The following PCDHGB3 variants were observed in gnomAD, a reference collection of about 807,000 sequenced individuals.
The protein encoded by PCDHGB3 is protocadherin gamma-B3.
PCDHGB3 carries 40 observed loss-of-function variants against 59.2 expected under a neutral mutation model. The observed-to-expected ratio is 0.68, with a 90% CI of 0.52 to 0.88. PCDHGB3 has a LOEUF of 0.88. Ranked by LOEUF, PCDHGB3 falls within the 40% of genes least tolerant of loss-of-function variation. The probability of loss-of-function intolerance (pLI) is 0.00; values close to 1 mark genes in which losing one functional copy is unlikely to be tolerated. For missense variants in PCDHGB3, 1,309 were observed against 1,187.9 expected (o/e 1.10, Z -1.50); for synonymous variants, 581 against 503.6 (o/e 1.15, Z -2.06).
intron 1 of PCDHGB3, chr5:141,394,722 G>A (rs1483795023): frequency 2.5e-6 from 4 of 1,613,314 alleles, no homozygotes; most frequent in Admixed American, 3.3e-5. Flanking sequence ...GGACAGAGAT[G>A]CGCTCAAGCA....
chr5:141,390,042 G>A, intron 1 of PCDHGB3: 1 of 1,614,034 alleles, frequency 6.2e-7, no homozygotes, highest in Non-Finnish European at 8.5e-7. Flanking sequence ...CTCCAGCCCC[G>A]CCTCCTGGAG....
intron 1 of PCDHGB3, chr5:141,413,494 G>C: frequency 6.2e-7 from 1 of 1,614,042 alleles, no homozygotes; most frequent in Non-Finnish European, 8.5e-7. Flanking sequence ...CGCGCGGTGC[G>C]TGGTGAGTTT....
intron 1 of PCDHGB3, among the ~76,000 whole-genome samples, chr5:141,462,745 TATG>T (rs1249238113): frequency 6.6e-6 from 1 of 152,262 alleles, no homozygotes; most frequent in Non-Finnish European, 1.5e-5. Flanking sequence ...CTGTAATTCC[TATG>T]ATGATTTTCT....
At chr5:141,421,371 T>C in intron 1 of PCDHGB3, 2 of 1,614,028 alleles carry the variant, frequency 1.2e-6, no homozygotes, top group Non-Finnish European at 1.7e-6. Flanking sequence ...TCGTGGGCAA[T>C]ATCTCCAAGG....
Position 141,370,513 on chromosome 5 carries a change from AGCTGGACAGGGGCTC to A in PCDHGB3, c.125_139del (p.Asp42_Leu46del), listed in dbSNP as rs768998364. 2.8e-5 allele frequency: 45 copies of A among 1,613,894 alleles called. No homozygotes were observed. Among genetic ancestry groups the A allele is most frequent in the Non-Finnish European group, 3.6e-5 (42 of 1,179,880 alleles). ...CCGATCCGCTACGCTATTCCCGAGG[AGCTGGACAGGGGCTC>A]GCTGGTAGGGAACCTCGCCAAGGAC... On this transcript the variant is annotated inframe_deletion, in exon 1 of 4. Transcript: ENST00000576222.
chr5:141,384,850 C>A, intron 1 of PCDHGB3: 1 of 1,613,646 alleles, frequency 6.2e-7, no homozygotes, highest in African/African-American at 1.3e-5. Context: ...GGACCACGGT[C>A]AGCCTCCTCT....
intron 1 of PCDHGB3, chr5:141,421,694 C>G (rs2096592726): frequency 6.2e-7 from 1 of 1,613,936 alleles, no homozygotes. Flanking sequence ...TTTGCTCTTC[C>G]TAATGCTAGG....
chr5:141,428,632 G>A (rs574049916), intron 1 of PCDHGB3: 35 of 182,522 alleles, frequency 1.9e-4, no homozygotes, highest in African/African-American at 7.6e-4. Context: ...CTCTAACTCT[G>A]TTGCTCCTAC....
rs1283688342 is a variant in PCDHGB3, at chr5:141,437,688, T to G, written c.2416-57119T>G. On this transcript the variant is annotated intron_variant, in intron 1 of 3. Transcript: ENST00000576222. ...GAGATGTTGATCAAACTGATGAGGCTAAATCTCAAGAAAGAGACACAGTTA... is the reference window on the plus strand; with the variant it reads ...GAGATGTTGATCAAACTGATGAGGCGAAATCTCAAGAAAGAGACACAGTTA... Among the ~76,000 whole-genome samples the G allele has an allele frequency of 4.0e-5, 6 of 151,890 alleles. 1 individual carries two copies. The East Asian group carries it at 1.2e-3, about 29-fold the overall frequency.
chr5:141,405,375 C>T lies in PCDHGB3; in HGVS notation c.2415+32566C>T, dbSNP rs368501516. On this transcript the variant is annotated intron_variant, in intron 1 of 3. Transcript: ENST00000576222. ...CCTATAGAAGACACCCCTTTGGTTC[C>T]GGTGAGTTCATTTTTTTTCTTTCTT... The T allele has an allele frequency of 3.2e-5, 51 of 1,602,124 alleles. No individual in the cohort carries two copies. Among genetic ancestry groups the T allele is most frequent in the East Asian group, 6.7e-5 (3 of 44,850 alleles).
At position 141,394,450 on chromosome 5, in the gene PCDHGB3, T is replaced by A. The variant is rs188283892; in HGVS notation, c.2415+21641T>A. Reference sequence around the variant, plus strand: ...GGGGACCCGCCCCTCAGCAGCAACATGTCACTGAGCCTGTTCGTGCTGGAC... The same window carrying A: ...GGGGACCCGCCCCTCAGCAGCAACAAGTCACTGAGCCTGTTCGTGCTGGAC... On this transcript the variant is annotated intron_variant, in intron 1 of 3. Transcript: ENST00000576222. 92 of 1,614,228 alleles carry A rather than the reference T, an allele frequency of 5.7e-5. No individual in the cohort carries two copies. The East Asian group carries it at 1.9e-3, about 34-fold the overall frequency.
Position 141,491,608 on chromosome 5 carries a change from C to T in PCDHGB3, c.2416-3199C>T. On this transcript the variant is annotated intron_variant, in intron 1 of 3. Transcript: ENST00000576222. This position sits in a 1 kb window ranked among gnomAD's most constrained non-coding sequence, Gnocchi z 6.9. Reference sequence around the variant, plus strand: ...CTCGGACGGCAGTGACTTCACTTTTCTAAGACCCCTCAGCGTTCAGCAGCC... The same window carrying T: ...CTCGGACGGCAGTGACTTCACTTTTTTAAGACCCCTCAGCGTTCAGCAGCC... 6.2e-7 allele frequency: 1 copy of T among 1,613,942 alleles called. No individual in the cohort carries two copies. The highest frequency in any genetic ancestry group is 1.1e-5 in the South Asian group (1 of 91,086).
chr5:141,479,838 C>T (rs539142918), intron 1 of PCDHGB3, among the ~76,000 whole-genome samples: 1 of 152,298 alleles, frequency 6.6e-6, no homozygotes, highest in African/African-American at 2.4e-5. Context: ...GGTATCCATG[C>T]AAGGTGACTG....
rs1404656316 is a variant in PCDHGB3 at position 141,486,648 on chromosome 5, A to G, written c.2416-8159A>G. 6.2e-7 allele frequency: 1 copy of G among 1,613,298 alleles called. No individual in the cohort carries two copies. The highest frequency in any genetic ancestry group is 8.5e-7 in the Non-Finnish European group (1 of 1,179,892). The stretch of plus-strand genomic sequence containing the variant: ...TCTGGCTTGAATGCGCTTATCTCCT[A>G]CTCACTCCTGGAGCCCAGGAATCGA... On this transcript the variant is annotated intron_variant, in intron 1 of 3. Coordinates refer to ENST00000576222, the MANE Select transcript of PCDHGB3 (RefSeq NM_018924.5). This position sits in a 1 kb window ranked among gnomAD's most constrained non-coding sequence, Gnocchi z 5.0.
intron 1 of PCDHGB3, chr5:141,374,160 C>A: frequency 6.2e-7 from 1 of 1,612,164 alleles, no homozygotes; most frequent in Middle Eastern, 1.7e-4. Flanking sequence ...CTGTGGGGGG[C>A]CGCGGCAGCG....
chr5:141,374,900 G>A (rs1770928989), intron 1 of PCDHGB3: 6 of 1,613,682 alleles, frequency 3.7e-6, no homozygotes, highest in South Asian at 3.3e-5. Context: ...GGATGAAGGA[G>A]TCCACGGGGA....
At chr5:141,406,940 A>C (rs2094868445) in intron 1 of PCDHGB3, among the ~76,000 whole-genome samples, 1 of 152,212 alleles carries the variant, frequency 6.6e-6, no homozygotes, top group African/African-American at 2.4e-5. Context: ...ATTTAATGTT[A>C]TTTTAAACAT....
At position 141,490,221 on chromosome 5, in the gene PCDHGB3, G is replaced by A; in HGVS notation, c.2416-4586G>A. 6.2e-7 allele frequency: 1 copy of A among 1,614,236 alleles called. No individual in the cohort carries two copies. The highest frequency in any genetic ancestry group is 1.1e-5 in the South Asian group (1 of 91,084). ...ATGCAAGAGCCCGTGACCAGGGACAGCCTGCCATGGAGGGCCACTGTGTGA... is the reference window on the plus strand; with the variant it reads ...ATGCAAGAGCCCGTGACCAGGGACAACCTGCCATGGAGGGCCACTGTGTGA... On this transcript the variant is annotated intron_variant, in intron 1 of 3. Transcript: ENST00000576222. The surrounding 1 kb of genome is among the most constrained non-coding windows in gnomAD (Gnocchi z 5.4).
chr5:141,487,499 G>A lies in PCDHGB3; in HGVS notation c.2416-7308G>A, dbSNP rs2099647158. On this transcript the variant is annotated intron_variant, in intron 1 of 3. Transcript: ENST00000576222. This position sits in a 1 kb window ranked among gnomAD's most constrained non-coding sequence, Gnocchi z 5.0. ...CCACTCTCATGGCTGTACACCCTTGGCTTCTGCACCCACTCGGAGTGATAG... is the reference window on the plus strand; with the variant it reads ...CCACTCTCATGGCTGTACACCCTTGACTTCTGCACCCACTCGGAGTGATAG... The A allele has an allele frequency of 3.1e-6, 5 of 1,614,152 alleles. No homozygotes were observed. The highest frequency in any genetic ancestry group is 2.2e-5 in the East Asian group (1 of 44,852).
Sources: gnomAD v4.1 joint callset for allele counts (sites outside exome capture counted in the v4.1 genomes callset) on GRCh38, gnomAD v4.1.1 for gene constraint, Gnocchi (gnomAD v3.1) non-coding constraint, MANE v1.5 for transcripts, NCBI Gene and HGNC (gene_info 2026-07-23, HGNC 2026-07-21) for gene names.